The following ANKS1B variants were observed in gnomAD, a reference collection of about 807,000 sequenced individuals.
ANKS1B encodes ankyrin repeat and sterile alpha motif domain-containing protein 1B.
Under a neutral mutation model 148.3 loss-of-function variants are expected in ANKS1B, and 36 were observed. The observed-to-expected ratio is 0.24, with a 90% confidence interval of 0.19 to 0.32. ANKS1B has a LOEUF of 0.32. ANKS1B is among the 10% of genes least tolerant of loss of function. The pLI, the probability that ANKS1B is intolerant of heterozygous loss-of-function variation, is 1.00. For missense variants in ANKS1B, 1,157 were observed against 1,542.6 expected (o/e 0.75, Z 4.19); for synonymous variants, 542 against 560.8 (o/e 0.97, Z 0.47).
intron 17 of ANKS1B, among the ~76,000 whole-genome samples, chr12:99,010,735 C>CATGATT (rs1162553330): frequency 6.7e-6 from 1 of 148,946 alleles, no homozygotes; most frequent in Non-Finnish European, 1.5e-5. Flanking sequence ...ACAACTCCAG[C>CATGATT]ATTATTATTA....
intron 17 of ANKS1B, among the ~76,000 whole-genome samples, chr12:98,960,507 AC>A (rs1459943129): frequency 3.3e-5 from 5 of 152,166 alleles, no homozygotes; most frequent in Non-Finnish European, 7.3e-5. Context: ...CCCTTTGAAT[AC>A]CTGGAAGGCC....
At chr12:99,153,922 A>G (rs1246541784) in intron 15 of ANKS1B, among the ~76,000 whole-genome samples, 2 of 152,194 alleles carry the variant, frequency 1.3e-5, no homozygotes, top group African/African-American at 4.8e-5. Context: ...AAATAATATA[A>G]GAATCAAGAA....
intron 14 of ANKS1B, among the ~76,000 whole-genome samples, chr12:99,226,769 C>T (rs993874357): frequency 6.6e-6 from 1 of 151,942 alleles, no homozygotes; most frequent in African/African-American, 2.4e-5. Flanking sequence ...CTTTTTGTAC[C>T]GTCAATAAAA....
chr12:99,377,762 G>A (rs1327728029), intron 12 of ANKS1B, among the ~76,000 whole-genome samples: 1 of 152,048 alleles, frequency 6.6e-6, no homozygotes, highest in Admixed American at 6.5e-5. Flanking sequence ...TGTTTTTTTA[G>A]TTTGATTTTA....
chr12:99,315,751 A>T (rs2083956783), intron 12 of ANKS1B, among the ~76,000 whole-genome samples: 1 of 152,072 alleles, frequency 6.6e-6, no homozygotes, highest in Non-Finnish European at 1.5e-5. Flanking sequence ...TACATGTGCC[A>T]TGTTGGTGTG....
intron 17 of ANKS1B, among the ~76,000 whole-genome samples, chr12:98,951,724 C>T (rs977505392): frequency 1.3e-5 from 2 of 152,176 alleles, no homozygotes; most frequent in African/African-American, 4.8e-5. Flanking sequence ...CATCTGTCAC[C>T]GTGTACCCTT....
At chr12:99,312,566 G>T (rs1421845583) in intron 12 of ANKS1B, among the ~76,000 whole-genome samples, 1 of 152,088 alleles carries the variant, frequency 6.6e-6, no homozygotes, top group Non-Finnish European at 1.5e-5. Flanking sequence ...CCTAAAACCT[G>T]TGCCAAGCAG....
chr12:99,826,746 GA>G (rs149746801), intron 1 of ANKS1B, among the ~76,000 whole-genome samples: 1 of 151,556 alleles, frequency 6.6e-6, no homozygotes, highest in Non-Finnish European at 1.5e-5. Flanking sequence ...TTAGGAAATT[GA>G]AAAAAAATTC....
chr12:99,173,466 T>C (rs1479358410), intron 14 of ANKS1B, among the ~76,000 whole-genome samples: 1 of 152,200 alleles, frequency 6.6e-6, no homozygotes, highest in African/African-American at 2.4e-5. Flanking sequence ...TTTTCACACT[T>C]AAGACAATCT....
chr12:99,182,603 A>G (rs2079254431), intron 14 of ANKS1B, among the ~76,000 whole-genome samples: 1 of 152,162 alleles, frequency 6.6e-6, no homozygotes, highest in East Asian at 1.9e-4. Flanking sequence ...GCTATTATGA[A>G]TAGTGCTACA....
intron 1 of ANKS1B, among the ~76,000 whole-genome samples, chr12:99,848,451 A>G (rs1796942137): frequency 6.6e-6 from 1 of 152,202 alleles, no homozygotes; most frequent in Non-Finnish European, 1.5e-5. Flanking sequence ...GACAGGACCA[A>G]CAAAGCTGGA....
At chr12:99,769,392 G>A (rs1257413280) in intron 8 of ANKS1B, among the ~76,000 whole-genome samples, 4 of 152,100 alleles carry the variant, frequency 2.6e-5, no homozygotes, top group African/African-American at 9.7e-5. Flanking sequence ...GCCTCTCTAG[G>A]TAAATCTAAT....
intron 17 of ANKS1B, among the ~76,000 whole-genome samples, chr12:98,924,047 A>G (rs1450245914): frequency 6.6e-6 from 1 of 152,230 alleles, no homozygotes; most frequent in Non-Finnish European, 1.5e-5. Context: ...TGTGGGCGCC[A>G]GACTTAGATG....
intron 8 of ANKS1B, among the ~76,000 whole-genome samples, chr12:99,720,396 A>T (rs576605736): frequency 6.6e-6 from 1 of 152,282 alleles, no homozygotes; most frequent in South Asian, 2.1e-4. Flanking sequence ...GTCAGACATA[A>T]TTCCTCAGTT....
intron 19 of ANKS1B, among the ~76,000 whole-genome samples, chr12:98,818,171 C>CCTT (rs2099157303): frequency 1.5e-5 from 2 of 129,106 alleles, no homozygotes; most frequent in Non-Finnish European, 3.3e-5. Context: ...CTCCCTCCCT[C>CCTT]CCTTCCTTCC....
chr12:98,968,797 G>A (rs994052376), intron 17 of ANKS1B, among the ~76,000 whole-genome samples: 9 of 151,874 alleles, frequency 5.9e-5, no homozygotes, highest in African/African-American at 2.2e-4. Context: ...AGGGAGGGAG[G>A]GTAACCGCTT....
At chr12:98,902,422 G>C (rs1282097637) in intron 17 of ANKS1B, among the ~76,000 whole-genome samples, 1 of 152,168 alleles carries the variant, frequency 6.6e-6, no homozygotes, top group Non-Finnish European at 1.5e-5. Context: ...ACCTCATCTG[G>C]ATGCCTGTTT....
rs114988822 is a variant in ANKS1B at position 99,526,286 on chromosome 12, T to C, written c.1273-21645A>G. Among the ~76,000 whole-genome samples the C allele has an allele frequency of 3.1e-3, 472 of 152,298 alleles. 2 individuals are homozygous for C. The highest frequency in any genetic ancestry group is 0.011 in the African/African-American group (452 of 41,578). Reference sequence around the variant, plus strand: ...TTACAGGAGATCGTTAGAAAGCAGATCTTTAGACAGCATGGACTTTAGAAC... The same window carrying C: ...TTACAGGAGATCGTTAGAAAGCAGACCTTTAGACAGCATGGACTTTAGAAC... On this transcript the variant is annotated intron_variant, in intron 9 of 26. Transcript: ENST00000683438.
At chr12:99,370,096 T>C (rs758357870) in intron 12 of ANKS1B, among the ~76,000 whole-genome samples, 21 of 152,108 alleles carry the variant, frequency 1.4e-4, no homozygotes, top group Non-Finnish European at 5.9e-5. Flanking sequence ...ATGATTGTTA[T>C]TCTTAGATTA....
Sources: allele counts gnomAD v4.1 joint callset (sites outside exome capture counted in the v4.1 genomes callset), GRCh38; gene constraint gnomAD v4.1.1; transcripts MANE v1.5; gene names NCBI Gene and HGNC (gene_info 2026-07-23, HGNC 2026-07-21).